The following ETHE1 variants were observed in gnomAD, a reference collection of about 807,000 sequenced individuals.
The protein encoded by ETHE1 is ETHE1 persulfide dioxygenase.
A neutral mutation model predicts 25.7 loss-of-function variants in ETHE1; 16 were observed. The ratio of observed to expected loss-of-function variants is 0.62; its 90% CI spans 0.42 to 0.95. ETHE1 has a LOEUF of 0.95. Among genes scored for constraint, ETHE1 ranks in the 40% least tolerant of loss-of-function variants. The pLI is 0.00. For missense variants in ETHE1, 300 were observed against 333.6 expected (o/e 0.90, Z 0.79); for synonymous variants, 139 against 135.9 (o/e 1.02, Z -0.16).
chr19:43,516,602 CT>C (rs1323560608), intron 3 of ETHE1, among the ~76,000 whole-genome samples: 1 of 140,878 alleles, frequency 7.1e-6, no homozygotes, highest in Non-Finnish European at 1.5e-5. Context: ...CCATGCCTGG[CT>C]TTTTTTTCTT....
At chr19:43,517,504 G>T (rs1025855179) in intron 3 of ETHE1, among the ~76,000 whole-genome samples, 3 of 149,472 alleles carry the variant, frequency 2.0e-5, no homozygotes, top group African/African-American at 7.4e-5. Flanking sequence ...GCCGAAGCCA[G>T]GCACGGTGGC....
At chr19:43,526,040 A>G (rs1373388374) in intron 3 of ETHE1, 161 bp downstream of exon 3, 7 of 1,080,238 alleles carry the variant, frequency 6.5e-6, no homozygotes, top group Non-Finnish European at 9.4e-6. Flanking sequence ...ACCTGGGTTT[A>G]TGGTGCCCCC....
intron 3 of ETHE1, among the ~76,000 whole-genome samples, chr19:43,522,187 C>G (rs1038051428): frequency 2.6e-5 from 4 of 152,054 alleles, no homozygotes; most frequent in African/African-American, 9.7e-5. Flanking sequence ...TTTGGGAGGC[C>G]GAGGCAGGAG....
At position 43,508,008 on chromosome 19, in the gene ETHE1, G is replaced by A. The variant is rs2145977296; in HGVS notation, c.648C>T (p.Thr216=). ...EEERTLNPRL[T]LSCEEFVKIM... ...TTTTGACAAACTCCTCACAGCTGAG[G>A]GTGAGCCGAGGGTTCAGAGTCCTCT... is the stretch of plus-strand genomic sequence containing the variant. Residue 216 remains threonine, a synonymous_variant, in exon 6 of 7, where the codon ACC becomes ACT. Transcript: ENST00000292147. 6.2e-7 allele frequency: 1 copy of A among 1,614,176 alleles called. No homozygotes were observed. The highest frequency in any genetic ancestry group is 2.2e-5 in the East Asian group (1 of 44,872).
At chr19:43,516,633 T>TTC (rs1972025957) in intron 3 of ETHE1, among the ~76,000 whole-genome samples, 1 of 145,328 alleles carries the variant, frequency 6.9e-6, no homozygotes, top group Non-Finnish European at 1.5e-5. Context: ...CTTTTTTTTT[T>TTC]TTTTTTTTGA....
intron 3 of ETHE1, among the ~76,000 whole-genome samples, chr19:43,512,716 G>C (rs1971940961): frequency 6.6e-6 from 1 of 150,546 alleles, no homozygotes; most frequent in Admixed American, 6.7e-5. Context: ...ATAAATGTTT[G>C]GAAAATTTGC....
intron 3 of ETHE1, among the ~76,000 whole-genome samples, chr19:43,521,916 G>T (rs905256611): frequency 6.6e-6 from 1 of 152,042 alleles, no homozygotes; most frequent in African/African-American, 2.4e-5. Flanking sequence ...ATAATCAGAA[G>T]GAAAATAGGG....
intron 3 of ETHE1, among the ~76,000 whole-genome samples, chr19:43,518,997 TTG>T (rs1157250398): frequency 9.5e-5 from 11 of 115,854 alleles, no homozygotes; most frequent in Non-Finnish European, 1.1e-4. Context: ...AAATTTGTGC[TTG>T]TTTTTTTTTT....
chr19:43,513,105 T>C (rs1971951426), intron 3 of ETHE1, among the ~76,000 whole-genome samples: 1 of 151,004 alleles, frequency 6.6e-6, no homozygotes, highest in Non-Finnish European at 1.5e-5. Flanking sequence ...AGAACAGAGG[T>C]TTGGGAGCCT....
At chr19:43,519,291 CG>C (rs1271274346) in intron 3 of ETHE1, among the ~76,000 whole-genome samples, 1 of 152,020 alleles carries the variant, frequency 6.6e-6, no homozygotes, top group Non-Finnish European at 1.5e-5. Flanking sequence ...GGATTACAGG[CG>C]TGAGCCACCG....
chr19:43,520,583 TC>T (rs1337604881), intron 3 of ETHE1, among the ~76,000 whole-genome samples: 34 of 151,458 alleles, frequency 2.2e-4, no homozygotes, highest in Admixed American at 2.2e-3. Flanking sequence ...CACCTGTAGT[TC>T]CAGCTATTTG....
intron 3 of ETHE1, among the ~76,000 whole-genome samples, chr19:43,518,092 TAATA>T (rs1238047696): frequency 1.4e-5 from 2 of 144,094 alleles, no homozygotes; most frequent in East Asian, 2.0e-4. Context: ...AAATAAAAAA[TAATA>T]AATAAATAAT....
In ETHE1 at chr19:43,512,157, T is replaced by C. The variant is rs183740285; in HGVS notation, c.376-591A>G. On this transcript the variant is annotated intron_variant, in intron 3 of 6. Coordinates refer to ENST00000292147, the MANE Select transcript of ETHE1 (RefSeq NM_014297.5). Reference sequence around the variant, plus strand: ...TAAATGACCCAGTCTTAGGGATGTCTTTATTAGCAGCATGAGAAAAGACTA... The same window carrying C: ...TAAATGACCCAGTCTTAGGGATGTCCTTATTAGCAGCATGAGAAAAGACTA... Among the ~76,000 whole-genome samples, 12 of 152,346 alleles carry C rather than the reference T, an allele frequency of 7.9e-5. No homozygotes were observed. The East Asian group carries it at 1.5e-3, about 20-fold the overall frequency.
intron 3 of ETHE1, among the ~76,000 whole-genome samples, chr19:43,514,485 CTTT>C (rs767043458): frequency 2.6e-4 from 29 of 113,246 alleles, no homozygotes; most frequent in Admixed American, 5.0e-4. Flanking sequence ...TTGGGTATGT[CTTT>C]TTTTTTTTTT....
At chr19:43,520,897 ACT>A (rs1353744218) in intron 3 of ETHE1, among the ~76,000 whole-genome samples, 1 of 151,848 alleles carries the variant, frequency 6.6e-6, no homozygotes, top group African/African-American at 2.4e-5. Context: ...ATTAAATCAG[ACT>A]CTCTGATTCT....
At chr19:43,523,594 A>G (rs980521054) in intron 3 of ETHE1, among the ~76,000 whole-genome samples, 1 of 151,966 alleles carries the variant, frequency 6.6e-6, no homozygotes, top group Non-Finnish European at 1.5e-5. Context: ...TCATTTTTTT[A>G]AAGTAGAAGG....
chr19:43,513,744 CAG>C, intron 3 of ETHE1, among the ~76,000 whole-genome samples: 1 of 145,400 alleles, frequency 6.9e-6, no homozygotes, highest in South Asian at 2.2e-4. Flanking sequence ...TTTTTGGAGA[CAG>C]AATCTCACTC....
At chr19:43,507,031 C>T in intron 6 of ETHE1, 129 bp from the exon 7 acceptor site, 1 of 918,046 alleles carries the variant, frequency 1.1e-6, no homozygotes, top group Non-Finnish European at 1.7e-6. Flanking sequence ...CCCACTCCTT[C>T]CCTCAGACCC....
chr19:43,526,273 G>C lies in ETHE1; in HGVS notation c.303C>G (p.Val101=). 1.2e-6 allele frequency: 2 copies of C among 1,614,176 alleles called. No individual in the cohort carries two copies. Among genetic ancestry groups the C allele is most frequent in the Non-Finnish European group, 1.7e-6 (2 of 1,180,022 alleles). The part of the protein sequence containing the change: ...LRSLLPGCQS[V]ISRLSGAQAD... ...CCTGGGCCCCACTAAGGCGGGAGAT[G>C]ACAGACTGGCAGCCAGGGAGGAGGG... The change falls in exon 3 of 7, where the codon GTC becomes GTG. Residue 101 remains valine, a synonymous_variant. Transcript: ENST00000292147.
Sources: allele counts gnomAD v4.1 joint callset (sites outside exome capture counted in the v4.1 genomes callset), GRCh38; gene constraint gnomAD v4.1.1; transcripts MANE v1.5; gene names NCBI Gene and HGNC (gene_info 2026-07-23, HGNC 2026-07-21).